ADGRG2: variants seen among roughly 807,000 people sequenced by gnomAD.
The protein encoded by ADGRG2 is adhesion G protein-coupled receptor G2.
Under a neutral mutation model 74.1 loss-of-function variants are expected in ADGRG2, and 26 were observed. The ratio of observed to expected loss-of-function variants is 0.35; its 90% confidence interval spans 0.26 to 0.49. The LOEUF (loss-of-function observed/expected upper bound fraction) is 0.49. Ranked by LOEUF, ADGRG2 falls within the 20% of genes least tolerant of loss-of-function variation. ADGRG2 has a pLI of 0.99. For missense variants in ADGRG2, 619 were observed against 763.1 expected, an observed-to-expected ratio of 0.81 and a Z score of 2.22; for synonymous variants, 296 against 295.2, an observed-to-expected ratio of 1.00 and a Z score of -0.03.
chrX:19,023,567 G>C, intron 12 of ADGRG2, 114 bp from the exon 13 acceptor site: 1 of 466,567 alleles, frequency 2.1e-6, no homozygotes, highest in Non-Finnish European at 3.7e-6. Context: ...AGAGCCCTTA[G>C]GGATTGTCCA....
At chrX:19,121,350 T>G (rs1390683860) in intron 1 of ADGRG2, among the ~76,000 whole-genome samples, 1 of 111,608 alleles carries the variant, frequency 9.0e-6, no homozygotes, top group Non-Finnish European at 1.9e-5. Flanking sequence ...TTGCATGCCT[T>G]TTCTCCAATC....
chrX:19,092,106 G>A (rs939552112), intron 1 of ADGRG2, among the ~76,000 whole-genome samples: 2 of 112,091 alleles, frequency 1.8e-5, no homozygotes, highest in Non-Finnish European at 3.8e-5. Flanking sequence ...CCTTGGGTCT[G>A]GTGTGCCTTC....
chrX:19,028,534 G>A (rs1398459101), intron 9 of ADGRG2, among the ~76,000 whole-genome samples: 3 of 111,103 alleles, frequency 2.7e-5, no homozygotes, highest in African/African-American at 6.6e-5. Flanking sequence ...ACAGAAAGAC[G>A]TGGTGTGCAC....
intron 1 of ADGRG2, among the ~76,000 whole-genome samples, chrX:19,100,972 T>C (rs1052308782): frequency 4.4e-5 from 5 of 112,980 alleles, no homozygotes; most frequent in Admixed American, 2.8e-4. Flanking sequence ...TGTGAACATA[T>C]GGAAGAACTA....
intron 17 of ADGRG2, 92 bp from the exon 18 acceptor site, chrX:19,009,874 G>C: frequency 1.5e-6 from 1 of 686,749 alleles, no homozygotes; most frequent in Non-Finnish European, 2.1e-6. Context: ...GCAGTGGCGT[G>C]ATCTCGGCTC....
chrX:19,003,178 G>C (rs763709016), intron 23 of ADGRG2, 64 bp from the exon 24 acceptor site: 1 of 923,497 alleles, frequency 1.1e-6, no homozygotes, highest in Admixed American at 2.5e-5. Flanking sequence ...ACTTTTTTTT[G>C]GTTTAAGATA....
chrX:19,023,731 A>G (rs1191325409), intron 12 of ADGRG2, among the ~76,000 whole-genome samples, 178 bp downstream of exon 12: 1 of 111,989 alleles, frequency 8.9e-6, no homozygotes, highest in Non-Finnish European at 1.9e-5. Context: ...ACCTCCTTAT[A>G]ATGTCTACCC....
At chrX:19,089,578 T>C (rs2061982818) in intron 1 of ADGRG2, among the ~76,000 whole-genome samples, 1 of 112,018 alleles carries the variant, frequency 8.9e-6, no homozygotes, top group Non-Finnish European at 1.9e-5. Context: ...ACCCCTTGAA[T>C]GCAGCAAATG....
rs755287657 is a variant in ADGRG2, at chrX:19,068,731, A to G, written c.104T>C (p.Val35Ala). ...LVIICLHVVL[V>A]TSLEEDTDNS... ...AGACACATTACCTTCCAGGGATGTT[A>G]CCAGAACGACATGAAGACAAATGAT... is the stretch of plus-strand genomic sequence containing the variant. The change falls in exon 3 of 29, where the codon GTA becomes GCA. Residue 35 changes from valine to alanine, a missense_variant. This residue lies in a region of ADGRG2 where 292 missense variants were observed against 318.0 expected (regional missense o/e 0.92). Coordinates refer to ENST00000379869, the MANE Select transcript of ADGRG2 (RefSeq NM_001079858.3). 4 of 1,056,325 alleles carry G rather than the reference A, an allele frequency of 3.8e-6. No homozygotes were observed. The South Asian group carries it at 8.3e-5, about 22-fold the overall frequency. 87.1% of individuals were successfully genotyped at this position (1,056,325 alleles called of 1,213,427 possible). A position where few individuals can be genotyped will look rare whatever the true frequency, so the allele number is the denominator to read the frequency against.
At chrX:19,075,919 G>A (rs1013443294) in intron 2 of ADGRG2, among the ~76,000 whole-genome samples, 1 of 112,366 alleles carries the variant, frequency 8.9e-6, no homozygotes, top group South Asian at 3.7e-4. Context: ...CATAAGAACT[G>A]AGATGAAAGG....
intron 3 of ADGRG2, among the ~76,000 whole-genome samples, chrX:19,054,448 A>G (rs967697976): frequency 8.9e-6 from 1 of 111,875 alleles, no homozygotes; most frequent in South Asian, 3.7e-4. Flanking sequence ...TCTGATTACA[A>G]TCATAATGTG....
intron 1 of ADGRG2, among the ~76,000 whole-genome samples, chrX:19,116,680 T>C (rs140105636): frequency 1.5e-3 from 165 of 110,876 alleles, no homozygotes; most frequent in African/African-American, 5.0e-3. Context: ...TACACTGATC[T>C]CAGAGCATAA....
chrX:19,076,750 T>C (rs193003202), intron 2 of ADGRG2, among the ~76,000 whole-genome samples: 68 of 111,364 alleles, frequency 6.1e-4, no homozygotes, highest in Non-Finnish European at 1.0e-3. Flanking sequence ...GCCTGGGTGA[T>C]AGAAGGAGAC....
rs941113090 is a variant in ADGRG2 at position 19,020,616 on chromosome X, A to C, written c.643+488T>G. On this transcript the variant is annotated intron_variant, in intron 14 of 28. Transcript: ENST00000379869. ...ACATGTATCTCAGAACTTAAAGTAA[A>C]ATAAAATAAAAAACTTTATTAGCAA... is the stretch of plus-strand genomic sequence containing the variant. Among the ~76,000 whole-genome samples, 8 of 111,225 alleles carry C rather than the reference A, an allele frequency of 7.2e-5. No homozygotes were observed. The East Asian group carries it at 1.1e-3, about 16-fold the overall frequency.
chrX:19,097,344 T>A (rs1186705788), intron 1 of ADGRG2, among the ~76,000 whole-genome samples: 1 of 112,223 alleles, frequency 8.9e-6, no homozygotes, highest in African/African-American at 3.2e-5. Context: ...AAACCCCATC[T>A]CTACTAAAAT....
At chrX:19,101,425 G>A (rs1167829555) in intron 1 of ADGRG2, among the ~76,000 whole-genome samples, 1 of 111,497 alleles carries the variant, frequency 9.0e-6, no homozygotes, top group Non-Finnish European at 1.9e-5. Context: ...GGATAGCCAG[G>A]CACGGTGGCT....
chrX:19,107,244 C>T (rs1179046032), intron 1 of ADGRG2, among the ~76,000 whole-genome samples: 3 of 112,319 alleles, frequency 2.7e-5, no homozygotes, highest in African/African-American at 6.5e-5. Flanking sequence ...CCCAGGCAAT[C>T]GTTTTGCATG....
intron 1 of ADGRG2, among the ~76,000 whole-genome samples, chrX:19,101,101 T>TTGTG (rs10579733): frequency 0.021 from 1,866 of 89,807 alleles, 32 homozygotes; most frequent in East Asian, 0.054. Context: ...AATCATGAGA[T>TTGTG]TGTGTGTGTG....
At chrX:19,112,135 G>T (rs1315617209) in intron 1 of ADGRG2, among the ~76,000 whole-genome samples, 1 of 110,346 alleles carries the variant, frequency 9.1e-6, no homozygotes, top group Admixed American at 9.7e-5. Flanking sequence ...GCAGTGGTCC[G>T]ATAATGGTTC....
Sources: gnomAD v4.1 joint callset for allele counts (sites outside exome capture counted in the v4.1 genomes callset) on GRCh38, gnomAD v4.1.1 for gene constraint, gnomAD v4.1.1 regional missense constraint, MANE v1.5 for transcripts, NCBI Gene and HGNC (gene_info 2026-07-23, HGNC 2026-07-21) for gene names.